The following EFCAB8 variants were observed in gnomAD, a reference collection of about 807,000 sequenced individuals.
The protein encoded by EFCAB8 is EF-hand calcium binding domain 8.
Under a neutral mutation model 116.3 loss-of-function variants are expected in EFCAB8, and 100 were observed. The ratio of observed to expected loss-of-function variants is 0.86; its 90% CI spans 0.73 to 1.02. The LOEUF is 1.02. Ranked by LOEUF, EFCAB8 falls within the 50% of genes least tolerant of loss-of-function variation. EFCAB8 has a pLI of 0.00. For missense variants in EFCAB8, 1,320 were observed against 1,416.9 expected (o/e 0.93, Z 1.10); for synonymous variants, 558 against 567.9 (o/e 0.98, Z 0.25).
At chr20:32,896,351 A>G (rs1986157380) in intron 9 of EFCAB8, 103 bp from the exon 10 acceptor site, 1 of 663,794 alleles carries the variant, frequency 1.5e-6, no homozygotes, top group Non-Finnish European at 2.8e-6. Context: ...GCCTTTTGAG[A>G]AGCACAGGAG....
intron 11 of EFCAB8, among the ~76,000 whole-genome samples, chr20:32,899,320 G>C (rs1032355367): frequency 6.7e-6 from 1 of 150,204 alleles, no homozygotes; most frequent in Non-Finnish European, 1.5e-5. Context: ...CAGGAGAATG[G>C]TGTGAACCCA....
chr20:32,876,866 G>A (rs952373959), intron 4 of EFCAB8, among the ~76,000 whole-genome samples: 1 of 152,200 alleles, frequency 6.6e-6, no homozygotes, highest in Non-Finnish European at 1.5e-5. Context: ...TATTTGTGGA[G>A]CTGAGCTGGG....
At chr20:32,899,991 C>T (rs528920787) in intron 11 of EFCAB8, among the ~76,000 whole-genome samples, 15 of 152,268 alleles carry the variant, frequency 9.9e-5, no homozygotes, top group East Asian at 5.8e-4. Context: ...AGTTTTCCTC[C>T]GGCCCCTAGT....
chr20:32,861,685 G>C (rs914188711), intron 1 of EFCAB8, among the ~76,000 whole-genome samples: 1 of 152,158 alleles, frequency 6.6e-6, no homozygotes, highest in African/African-American at 2.4e-5. Flanking sequence ...GATCACCTGA[G>C]CCCAGGAGTG....
chr20:32,916,738 A>G (rs972515951), intron 17 of EFCAB8, among the ~76,000 whole-genome samples: 40 of 152,294 alleles, frequency 2.6e-4, no homozygotes, highest in African/African-American at 8.7e-4. Flanking sequence ...ATCAAATATT[A>G]ATACTTTCAT....
At chr20:32,919,957 C>T (rs1987368677) in intron 19 of EFCAB8, 121 bp from the exon 20 acceptor site, 3 of 1,301,662 alleles carry the variant, frequency 2.3e-6, no homozygotes, top group Non-Finnish European at 3.2e-6. Flanking sequence ...TTTCCCAGGC[C>T]AGTGTACCTA....
intron 20 of EFCAB8, among the ~76,000 whole-genome samples, chr20:32,926,236 T>C (rs556666240): frequency 6.6e-6 from 1 of 152,242 alleles, no homozygotes; most frequent in South Asian, 2.1e-4. Flanking sequence ...GTGAATCCTG[T>C]GCAGTTATGA....
intron 3 of EFCAB8, among the ~76,000 whole-genome samples, chr20:32,873,998 G>A (rs1001367135): frequency 6.6e-6 from 1 of 151,346 alleles, no homozygotes; most frequent in Non-Finnish European, 1.5e-5. Context: ...TCTGCTCACT[G>A]CAACCTCCGC....
intron 23 of EFCAB8, among the ~76,000 whole-genome samples, chr20:32,953,570 G>A (rs1386174510): frequency 6.6e-6 from 1 of 152,178 alleles, no homozygotes; most frequent in African/African-American, 2.4e-5. Flanking sequence ...GTTCTCTAAT[G>A]ATTCATGAGG....
At chr20:32,867,344 A>T (rs942724428) in intron 2 of EFCAB8, among the ~76,000 whole-genome samples, 1 of 152,234 alleles carries the variant, frequency 6.6e-6, no homozygotes, top group Non-Finnish European at 1.5e-5. Flanking sequence ...CCTGAGCCTC[A>T]GCTGTGGCAT....
At chr20:32,862,841 C>G (rs1984183892) in intron 1 of EFCAB8, among the ~76,000 whole-genome samples, 1 of 152,014 alleles carries the variant, frequency 6.6e-6, no homozygotes, top group African/African-American at 2.4e-5. Context: ...GTTGGCCAGG[C>G]TGGTCTCATT....
At chr20:32,875,877 C>T (rs1264235629) in intron 3 of EFCAB8, 49 bp from the exon 4 acceptor site, 2 of 1,511,624 alleles carry the variant, frequency 1.3e-6, no homozygotes, top group Non-Finnish European at 1.8e-6. Flanking sequence ...AGTGATGGGC[C>T]GAGGGACTTG....
chr20:32,879,328 C>T (rs1169890051), intron 5 of EFCAB8, among the ~76,000 whole-genome samples: 8 of 152,222 alleles, frequency 5.3e-5, no homozygotes, highest in Non-Finnish European at 1.2e-4. Flanking sequence ...CCCTCTGTTA[C>T]TCCTGGAGCT....
intron 4 of EFCAB8, among the ~76,000 whole-genome samples, chr20:32,877,030 TG>T (rs2146188693): frequency 6.6e-6 from 1 of 151,936 alleles, no homozygotes; most frequent in East Asian, 1.9e-4. Flanking sequence ...AACTGAGGCA[TG>T]GGGAAGTTAG....
intron 7 of EFCAB8, among the ~76,000 whole-genome samples, chr20:32,891,277 A>G (rs2019219): frequency 0.5 from 75,871 of 151,880 alleles, 21,070 homozygotes; most frequent in Middle Eastern, 0.66. Flanking sequence ...TTGAAAAAAA[A>G]ATATTGAATT....
chr20:32,888,443 C>T (rs928238750), intron 6 of EFCAB8, among the ~76,000 whole-genome samples: 40 of 152,142 alleles, frequency 2.6e-4, no homozygotes, highest in Admixed American at 2.6e-3. Flanking sequence ...AGGCTGGTCT[C>T]GAACTCCTGA....
chr20:32,957,374 T>C (rs1320988132), intron 23 of EFCAB8, among the ~76,000 whole-genome samples: 2 of 152,032 alleles, frequency 1.3e-5, no homozygotes, highest in African/African-American at 2.4e-5. Flanking sequence ...GTAAAGACTT[T>C]AGTTGATATT....
intron 12 of EFCAB8, 28 bp from the exon 13 acceptor site, chr20:32,906,814 TG>T: frequency 1.7e-6 from 2 of 1,162,996 alleles, no homozygotes; most frequent in Non-Finnish European, 2.5e-6. Context: ...TGGAGGCCCC[TG>T]GGACTGACAC....
At chr20:32,907,966 A>G (rs1292024972) in intron 13 of EFCAB8, among the ~76,000 whole-genome samples, 1 of 152,130 alleles carries the variant, frequency 6.6e-6, no homozygotes, top group African/African-American at 2.4e-5. Context: ...TGGGGCCAGC[A>G]TGTGCTGCCT....
Sources: allele counts gnomAD v4.1 joint callset (sites outside exome capture counted in the v4.1 genomes callset), GRCh38; gene constraint gnomAD v4.1.1; transcripts MANE v1.5; gene names NCBI Gene and HGNC (gene_info 2026-07-23, HGNC 2026-07-21).